NCK1: variants seen among roughly 807,000 people sequenced by gnomAD.
NCK1 encodes the protein SH2/SH3 adapter protein NCK1.
A neutral mutation model predicts 36.6 loss-of-function variants in NCK1; 19 were observed. The observed-to-expected ratio is 0.52, with a 90% CI of 0.36 to 0.76. NCK1 has a LOEUF of 0.76. Among genes scored for constraint, NCK1 ranks in the 30% least tolerant of loss-of-function variants. The probability of loss-of-function intolerance (pLI) is 0.00; values close to 1 mark genes in which losing one functional copy is unlikely to be tolerated. For missense variants in NCK1, 358 were observed against 445.6 expected, an observed-to-expected ratio of 0.80 and a Z score of 1.77; for synonymous variants, 165 against 156.0, an observed-to-expected ratio of 1.06 and a Z score of -0.43.
chr3:136,892,529 G>T (rs1428857731), intron 1 of NCK1, among the ~76,000 whole-genome samples: 1 of 152,158 alleles, frequency 6.6e-6, no homozygotes, highest in South Asian at 2.1e-4. Flanking sequence ...AAGTGCAAAG[G>T]AATATAAGCA....
At chr3:136,882,963 G>C (rs1439477978) in intron 1 of NCK1, among the ~76,000 whole-genome samples, 1 of 152,188 alleles carries the variant, frequency 6.6e-6, no homozygotes, top group Non-Finnish European at 1.5e-5. Flanking sequence ...CTGTTGCCCA[G>C]GCTGGAGTGC....
At chr3:136,924,162 C>T (rs1940182698) in intron 1 of NCK1, among the ~76,000 whole-genome samples, 1 of 152,184 alleles carries the variant, frequency 6.6e-6, no homozygotes. Context: ...TCAGTCTTAA[C>T]ATCACAGAAA....
At chr3:136,874,680 C>CT (rs916918503) in intron 1 of NCK1, among the ~76,000 whole-genome samples, 12 of 151,916 alleles carry the variant, frequency 7.9e-5, no homozygotes, top group Non-Finnish European at 1.5e-4. Context: ...TGTGTTAAAT[C>CT]TTTTTTTTCC....
intron 2 of NCK1, among the ~76,000 whole-genome samples, chr3:136,936,298 C>T (rs911166988): frequency 6.6e-6 from 1 of 152,136 alleles, no homozygotes; most frequent in Non-Finnish European, 1.5e-5. Flanking sequence ...GCCTCGGCCT[C>T]CCAAAGTGCT....
chr3:136,948,318 A>T lies in NCK1; in HGVS notation c.999A>T (p.Gln333His), dbSNP rs1169297189. The change falls in exon 4 of 4, where the codon CAA becomes CAT. Residue 333 changes from glutamine (Q) to histidine (H), a missense_variant. By Grantham distance (24) the Gln-to-His change is conservative (BLOSUM62 0). This residue lies in a region of NCK1 where 207 missense variants were observed against 253.4 expected (regional missense o/e 0.82). Coordinates refer to ENST00000481752, the MANE Select transcript of NCK1 (RefSeq NM_001291999.2). Reference protein sequence around the residue: ...AQGKNKHFKVQLKETVYCIGQ... With the variant: ...AQGKNKHFKVHLKETVYCIGQ... ...GGAAAAACAAGCATTTTAAAGTCCA[A>T]CTAAAAGAGACTGTCTACTGCATTG... is the stretch of plus-strand genomic sequence containing the variant. The T allele has an allele frequency of 2.5e-6, 4 of 1,611,454 alleles. No individual in the cohort carries two copies. The highest frequency in any genetic ancestry group is 3.4e-6 in the Non-Finnish European group (4 of 1,178,568).
chr3:136,934,442 C>T lies in NCK1; in HGVS notation c.226+6215C>T, dbSNP rs149185990. 9.9e-4 allele frequency among the ~76,000 whole-genome samples: 150 copies of T among 151,944 alleles called. 1 individual carries two copies. Among genetic ancestry groups the T allele is most frequent in the Admixed American group, 8.3e-3 (126 of 15,256 alleles). The stretch of plus-strand genomic sequence containing the variant: ...CTGGGATTACAGGTGCCTGCCACCA[C>T]GCCTGGCTAATTTTTGTGTTTTTAG... On this transcript the variant is annotated intron_variant, in intron 2 of 3. Coordinates refer to ENST00000481752, the MANE Select transcript of NCK1 (RefSeq NM_001291999.2).
chr3:136,879,861 A>G (rs1576947365), intron 1 of NCK1, among the ~76,000 whole-genome samples: 1 of 151,234 alleles, frequency 6.6e-6, no homozygotes, highest in Admixed American at 6.6e-5. Context: ...GGGCTGGGGG[A>G]GGGATAGCAT....
At chr3:136,935,106 G>C (rs1940496012) in intron 2 of NCK1, among the ~76,000 whole-genome samples, 1 of 152,076 alleles carries the variant, frequency 6.6e-6, no homozygotes, top group Non-Finnish European at 1.5e-5. Context: ...TTCGCATGTT[G>C]GCCAGGCTGG....
At chr3:136,868,781 G>A (rs1178244786) in intron 1 of NCK1, among the ~76,000 whole-genome samples, 2 of 152,206 alleles carry the variant, frequency 1.3e-5, no homozygotes, top group Non-Finnish European at 2.9e-5. Context: ...TGATTTAGAG[G>A]AAACCTGGAG....
At position 136,950,563 on chromosome 3, in the gene NCK1, A is replaced by G. The variant is rs1246424468; in HGVS notation, c.*2110A>G. On this transcript the variant is annotated 3_prime_UTR_variant, in exon 4 of 4. Transcript: ENST00000481752. ...CCAATTTTTAAAAAGTCTTAATCCA[A>G]TGCTTATACCAGTGACTGTTTTTAT... Among the ~76,000 whole-genome samples, 1 of 152,164 alleles carries G rather than the reference A, an allele frequency of 6.6e-6. No homozygotes were observed. The highest frequency in any genetic ancestry group is 1.5e-5 in the Non-Finnish European group (1 of 67,996).
chr3:136,872,457 A>G (rs1381637119), intron 1 of NCK1, among the ~76,000 whole-genome samples: 1 of 152,226 alleles, frequency 6.6e-6, no homozygotes, highest in Non-Finnish European at 1.5e-5. Context: ...TCAGTTTTAC[A>G]AGGGAGGCAG....
chr3:136,863,843 T>A (rs897079037), intron 1 of NCK1, among the ~76,000 whole-genome samples: 6 of 152,096 alleles, frequency 3.9e-5, no homozygotes, highest in African/African-American at 1.4e-4. Flanking sequence ...AGCTCAAACC[T>A]GTAATCCCAG....
intron 1 of NCK1, among the ~76,000 whole-genome samples, chr3:136,876,673 A>T (rs537322946): frequency 5.1e-4 from 78 of 152,278 alleles, no homozygotes; most frequent in Non-Finnish European, 1.5e-5. Context: ...CCTACAAAGA[A>T]TATACGTATT....
chr3:136,923,163 G>A (rs974534677), intron 1 of NCK1, among the ~76,000 whole-genome samples: 2 of 151,888 alleles, frequency 1.3e-5, no homozygotes, highest in Middle Eastern at 3.4e-3. Context: ...TGTTGTGGGG[G>A]TAGATAAAAA....
intron 1 of NCK1, among the ~76,000 whole-genome samples, chr3:136,927,779 A>G (rs1940281806): frequency 6.6e-6 from 1 of 152,142 alleles, no homozygotes; most frequent in African/African-American, 2.4e-5. Context: ...TTGGCCTCCC[A>G]AAGTGCTGGG....
At chr3:136,906,336 C>T (rs1939684473) in intron 1 of NCK1, among the ~76,000 whole-genome samples, 1 of 152,132 alleles carries the variant, frequency 6.6e-6, no homozygotes, top group Non-Finnish European at 1.5e-5. Flanking sequence ...TCTCGAACTC[C>T]TGAGCTCAAG....
intron 2 of NCK1, among the ~76,000 whole-genome samples, chr3:136,944,665 G>T (rs1940765305): frequency 6.6e-6 from 1 of 152,166 alleles, no homozygotes; most frequent in African/African-American, 2.4e-5. Context: ...ATCCTAGAAG[G>T]ATCAGGATTT....
At chr3:136,892,192 TTTGTTG>T (rs570938002) in intron 1 of NCK1, among the ~76,000 whole-genome samples, 1 of 152,014 alleles carries the variant, frequency 6.6e-6, no homozygotes, top group Non-Finnish European at 1.5e-5. Context: ...CCAGCTGGAT[TTTGTTG>T]TTGTTGTTGT....
chr3:136,874,949 G>C (rs1938725847), intron 1 of NCK1, among the ~76,000 whole-genome samples: 1 of 152,098 alleles, frequency 6.6e-6, no homozygotes, highest in Non-Finnish European at 1.5e-5. Context: ...TCTGATTCTT[G>C]ATTGTAAAAA....
Sources: allele counts gnomAD v4.1 joint callset (sites outside exome capture counted in the v4.1 genomes callset), GRCh38; gene constraint gnomAD v4.1.1; regional missense constraint gnomAD v4.1.1; transcripts MANE v1.5; gene names NCBI Gene and HGNC (gene_info 2026-07-23, HGNC 2026-07-21).